ZNF143: variants seen among roughly 807,000 people sequenced by gnomAD.
ZNF143 encodes the protein zinc finger protein 143.
A neutral mutation model predicts 74.1 loss-of-function variants in ZNF143; 49 were observed. That is an observed-to-expected ratio of 0.66 (90% confidence interval 0.53 to 0.84). ZNF143 has a LOEUF of 0.84. ZNF143 is among the 40% of genes least tolerant of loss of function. The pLI, the probability that ZNF143 is intolerant of heterozygous loss-of-function variation, is 0.00. For synonymous variants in ZNF143, 304 were observed against 282.8 expected (o/e 1.07, Z -0.75); for missense variants, 637 against 793.4 (o/e 0.80, Z 2.37).
At chr11:9,509,924 A>G (rs1341067263) in intron 12 of ZNF143, among the ~76,000 whole-genome samples, 1 of 152,194 alleles carries the variant, frequency 6.6e-6, no homozygotes, top group African/African-American at 2.4e-5. Flanking sequence ...TACAGTTAAT[A>G]ATAATGTACT....
intron 5 of ZNF143, among the ~76,000 whole-genome samples, chr11:9,477,672 G>C (rs541165921): frequency 4.6e-5 from 7 of 152,166 alleles, no homozygotes; most frequent in Admixed American, 4.6e-4. Context: ...ATCAATACCA[G>C]TATAGATATA....
intron 7 of ZNF143, among the ~76,000 whole-genome samples, chr11:9,485,022 C>G (rs1172930914): frequency 6.7e-6 from 1 of 150,034 alleles, no homozygotes; most frequent in Non-Finnish European, 1.5e-5. Flanking sequence ...TGGTCTCCAT[C>G]TCCTGACCTC....
intron 14 of ZNF143, among the ~76,000 whole-genome samples, chr11:9,522,622 T>G (rs573585000): frequency 6.6e-6 from 1 of 152,242 alleles, no homozygotes; most frequent in South Asian, 2.1e-4. Context: ...GCCTCCCAAG[T>G]AGCTGGGATT....
chr11:9,469,116 A>T (rs1156788968), intron 1 of ZNF143, among the ~76,000 whole-genome samples: 1 of 150,650 alleles, frequency 6.6e-6, no homozygotes, highest in Admixed American at 6.6e-5. Flanking sequence ...CCTCGGCTAC[A>T]GTGAGATGCC....
chr11:9,516,199 A>G lies in ZNF143; in HGVS notation c.1525-2A>G. 2 of 1,613,542 alleles carry G rather than the reference A, an allele frequency of 1.2e-6. No homozygotes were observed. The highest frequency in any genetic ancestry group is 1.7e-6 in the Non-Finnish European group (2 of 1,179,634). ...TGCTTTGTAAAATTCACTGTATTGC[A>G]GGTCAACATATCTCAAGCTGACATG... On this transcript the variant is annotated splice_acceptor_variant, in intron 13 of 15. Transcript: ENST00000396602. LOFTEE classifies it high-confidence loss of function.
chr11:9,512,041 G>A (rs1848569226), intron 12 of ZNF143, among the ~76,000 whole-genome samples: 1 of 152,144 alleles, frequency 6.6e-6, no homozygotes, highest in Non-Finnish European at 1.5e-5. Context: ...ATGAGCCACC[G>A]TGCCTGGCCT....
chr11:9,486,615 G>C (rs1017592086), intron 7 of ZNF143, among the ~76,000 whole-genome samples: 1 of 143,256 alleles, frequency 7.0e-6, no homozygotes, highest in African/African-American at 2.7e-5. Context: ...TGCGAAAGAC[G>C]TTTGACTCCT....
intron 7 of ZNF143, among the ~76,000 whole-genome samples, chr11:9,491,103 T>G (rs901758343): frequency 4.6e-5 from 7 of 152,186 alleles, no homozygotes. Context: ...TTTCACATAC[T>G]AGCTGGGCAC....
chr11:9,516,396 A>G (rs1393253906), intron 14 of ZNF143, 34 bp downstream of exon 14: 3 of 1,558,116 alleles, frequency 1.9e-6, no homozygotes, highest in Non-Finnish European at 2.6e-6. Flanking sequence ...CAATCAATAC[A>G]TATATCAGTA....
chr11:9,493,131 A>G (rs934186802), intron 7 of ZNF143, among the ~76,000 whole-genome samples: 4 of 145,930 alleles, frequency 2.7e-5, no homozygotes, highest in East Asian at 4.0e-4. Flanking sequence ...GTGCCGTGGC[A>G]TGATCTCGGC....
intron 15 of ZNF143, among the ~76,000 whole-genome samples, 197 bp from the exon 16 acceptor site, chr11:9,527,333 G>T (rs1478120310): frequency 1.3e-5 from 2 of 152,184 alleles, no homozygotes; most frequent in Non-Finnish European, 2.9e-5. Context: ...AAAAGAAAAA[G>T]AAATTGCATT....
At chr11:9,475,897 C>CAA (rs143515065) in intron 5 of ZNF143, among the ~76,000 whole-genome samples, 82,590 of 141,684 alleles carry the variant, frequency 0.58, 24,464 homozygotes, top group Non-Finnish European at 0.65. Context: ...GACCCTGTCT[C>CAA]AAAAAAATAT....
At chr11:9,475,897 C>CAAAA (rs143515065) in intron 5 of ZNF143, among the ~76,000 whole-genome samples, 37 of 142,818 alleles carry the variant, frequency 2.6e-4, no homozygotes, top group Admixed American at 4.9e-4. Flanking sequence ...GACCCTGTCT[C>CAAAA]AAAAAAATAT....
chr11:9,477,908 C>T (rs1409304352), intron 5 of ZNF143, among the ~76,000 whole-genome samples: 1 of 152,192 alleles, frequency 6.6e-6, no homozygotes, highest in Non-Finnish European at 1.5e-5. Flanking sequence ...TCACTGCAAC[C>T]TCTGCCTCCC....
intron 14 of ZNF143, among the ~76,000 whole-genome samples, chr11:9,516,587 G>A (rs1470923461): frequency 6.6e-6 from 1 of 152,100 alleles, no homozygotes; most frequent in Non-Finnish European, 1.5e-5. Flanking sequence ...ATGAGATAAT[G>A]TATATAAGGT....
At chr11:9,512,369 C>T in intron 12 of ZNF143, 79 bp from the exon 13 acceptor site, 2 of 1,508,238 alleles carry the variant, frequency 1.3e-6, no homozygotes, top group Admixed American at 1.9e-5. Context: ...ATGTAATTTT[C>T]TCTTTAATAT....
At chr11:9,475,073 G>T (rs542331291) in intron 5 of ZNF143, among the ~76,000 whole-genome samples, 1 of 152,078 alleles carries the variant, frequency 6.6e-6, no homozygotes, top group Admixed American at 6.5e-5. Flanking sequence ...TTTTTGTAGA[G>T]ACAGGGTCTT....
intron 15 of ZNF143, among the ~76,000 whole-genome samples, chr11:9,525,645 C>T (rs1233246253): frequency 6.6e-6 from 1 of 152,106 alleles, no homozygotes; most frequent in Non-Finnish European, 1.5e-5. Flanking sequence ...TGTGTGCACC[C>T]ACCCAGGCAT....
At chr11:9,524,045 CAAAA>C (rs533664056) in intron 14 of ZNF143, among the ~76,000 whole-genome samples, 2 of 86,762 alleles carry the variant, frequency 2.3e-5, no homozygotes, top group Non-Finnish European at 4.5e-5. Flanking sequence ...GAGACTACCT[CAAAA>C]AAAAAAAAAA....
Sources: allele counts gnomAD v4.1 joint callset (sites outside exome capture counted in the v4.1 genomes callset), GRCh38; gene constraint gnomAD v4.1.1; transcripts MANE v1.5; gene names NCBI Gene and HGNC (gene_info 2026-07-23, HGNC 2026-07-21).